Variants in SMYD3 observed in about 807,000 individuals in gnomAD.
SMYD3 encodes the protein histone-lysine N-methyltransferase SMYD3.
A neutral mutation model predicts 57.7 loss-of-function variants in SMYD3; 36 were observed. The ratio of observed to expected loss-of-function variants is 0.62; its 90% CI spans 0.48 to 0.82. The LOEUF (loss-of-function observed/expected upper bound fraction) is 0.82. Ranked by LOEUF, SMYD3 falls within the 40% of genes least tolerant of loss-of-function variation. SMYD3 has a pLI of 0.00. For synonymous variants in SMYD3, 211 were observed against 195.0 expected (o/e 1.08, Z -0.68); for missense variants, 515 against 538.8 (o/e 0.96, Z 0.44).
At chr1:245,930,163 GAA>G (rs11295264) in intron 5 of SMYD3, 4,715 of 450,344 alleles carry the variant, frequency 0.01, 5 homozygotes, top group African/African-American at 0.015. Context: ...CCTCCTGGGA[GAA>G]AAAAAAAAAA....
intron 5 of SMYD3, among the ~76,000 whole-genome samples, chr1:246,079,061 T>C (rs965062370): frequency 2.0e-5 from 3 of 151,520 alleles, no homozygotes; most frequent in African/African-American, 7.3e-5. Flanking sequence ...ATTAAGAAAG[T>C]AAAGGAATAA....
At chr1:246,257,546 G>A (rs2063918705) in intron 5 of SMYD3, among the ~76,000 whole-genome samples, 1 of 152,202 alleles carries the variant, frequency 6.6e-6, no homozygotes, top group Non-Finnish European at 1.5e-5. Context: ...GAAGACAGCA[G>A]ATGACTGGGT....
chr1:246,114,398 C>T (rs1259049140), intron 5 of SMYD3, among the ~76,000 whole-genome samples: 2 of 152,188 alleles, frequency 1.3e-5, no homozygotes, highest in Non-Finnish European at 2.9e-5. Context: ...AAGAGGCCAG[C>T]CCCCGATGGG....
intron 5 of SMYD3, among the ~76,000 whole-genome samples, chr1:246,294,922 T>C (rs2064764203): frequency 6.6e-6 from 1 of 152,208 alleles, no homozygotes; most frequent in Non-Finnish European, 1.5e-5. Flanking sequence ...TGCCTACAAA[T>C]GTCTTCATAT....
intron 11 of SMYD3, among the ~76,000 whole-genome samples, chr1:245,757,993 T>C (rs891600736): frequency 3.7e-4 from 57 of 152,172 alleles, no homozygotes; most frequent in African/African-American, 1.2e-3. Flanking sequence ...AGAGATTGCA[T>C]TGAATCTGAA....
chr1:245,800,290 C>A (rs561424507), intron 10 of SMYD3, among the ~76,000 whole-genome samples: 1 of 152,282 alleles, frequency 6.6e-6, no homozygotes, highest in Non-Finnish European at 1.5e-5. Flanking sequence ...GTCCTTCCAT[C>A]GGAAGCTCTT....
intron 5 of SMYD3, among the ~76,000 whole-genome samples, chr1:246,158,015 G>A (rs10924525): frequency 0.055 from 8,442 of 152,240 alleles, 497 homozygotes; most frequent in East Asian, 0.22. Context: ...AGTTGCAGGT[G>A]CAAACTGAGA....
At chr1:246,240,313 A>G (rs761035745) in intron 5 of SMYD3, among the ~76,000 whole-genome samples, 2 of 152,230 alleles carry the variant, frequency 1.3e-5, no homozygotes, top group African/African-American at 2.4e-5. Context: ...ACATGTGGCT[A>G]GTCACTTTTG....
At chr1:246,438,410 A>G (rs2067412773) in intron 1 of SMYD3, among the ~76,000 whole-genome samples, 1 of 152,182 alleles carries the variant, frequency 6.6e-6, no homozygotes, top group Non-Finnish European at 1.5e-5. Context: ...GGGGTGAATG[A>G]TAAGAGACAA....
chr1:246,066,727 A>G (rs1375699957), intron 5 of SMYD3, among the ~76,000 whole-genome samples: 3 of 152,134 alleles, frequency 2.0e-5, no homozygotes, highest in Non-Finnish European at 4.4e-5. Flanking sequence ...TACTTAACCT[A>G]CTCACAGGTA....
chr1:246,442,617 A>C (rs2067487253), intron 1 of SMYD3, among the ~76,000 whole-genome samples: 1 of 152,104 alleles, frequency 6.6e-6, no homozygotes, highest in African/African-American at 2.4e-5. Flanking sequence ...TTACACAGAA[A>C]ATAAGAAAAT....
At chr1:245,914,719 T>C (rs1463996242) in intron 8 of SMYD3, among the ~76,000 whole-genome samples, 3 of 152,178 alleles carry the variant, frequency 2.0e-5, no homozygotes, top group Non-Finnish European at 4.4e-5. Context: ...TTATTGTATA[T>C]TCTCAAAACG....
At chr1:246,417,847 G>A (rs1012574175) in intron 1 of SMYD3, among the ~76,000 whole-genome samples, 11 of 152,134 alleles carry the variant, frequency 7.2e-5, no homozygotes, top group Admixed American at 6.5e-5. Flanking sequence ...AAGCAAGAAG[G>A]GGACCAGTTT....
At chr1:246,292,678 G>A (rs1004632035) in intron 5 of SMYD3, among the ~76,000 whole-genome samples, 1 of 152,144 alleles carries the variant, frequency 6.6e-6, no homozygotes, top group African/African-American at 2.4e-5. Context: ...CACAGTAAAA[G>A]GAATGACACA....
chr1:245,882,444 A>G (rs538763314), intron 8 of SMYD3, among the ~76,000 whole-genome samples: 32 of 152,326 alleles, frequency 2.1e-4, no homozygotes, highest in African/African-American at 7.2e-4. Flanking sequence ...TGTGGCTTGA[A>G]TCACTACAAT....
intron 11 of SMYD3, 79 bp downstream of exon 11, chr1:245,763,962 T>C: frequency 9.3e-7 from 1 of 1,080,192 alleles, no homozygotes; most frequent in Non-Finnish European, 1.4e-6. Flanking sequence ...ATAGAGCTGC[T>C]AACAAATCAC....
chr1:245,760,696 G>A (rs1394499447), intron 11 of SMYD3, among the ~76,000 whole-genome samples: 4 of 152,212 alleles, frequency 2.6e-5, no homozygotes, highest in Admixed American at 6.5e-5. Flanking sequence ...AGGAATGTAA[G>A]GTCCCTTGAG....
intron 5 of SMYD3, among the ~76,000 whole-genome samples, chr1:246,319,765 T>C (rs1288679794): frequency 6.6e-6 from 1 of 152,176 alleles, no homozygotes; most frequent in Non-Finnish European, 1.5e-5. Flanking sequence ...CAGAATGAGA[T>C]GGTTAACAGA....
intron 10 of SMYD3, among the ~76,000 whole-genome samples, chr1:245,788,127 C>T (rs1049936235): frequency 3.3e-5 from 5 of 151,812 alleles, no homozygotes; most frequent in African/African-American, 1.2e-4. Context: ...GAATGGAGTC[C>T]AGATTAACAC....
Sources: allele counts gnomAD v4.1 joint callset (sites outside exome capture counted in the v4.1 genomes callset), GRCh38; gene constraint gnomAD v4.1.1; transcripts MANE v1.5; gene names NCBI Gene and HGNC (gene_info 2026-07-23, HGNC 2026-07-21).